The following SOX6 variants were observed in gnomAD, a reference collection of about 807,000 sequenced individuals.
SOX6 encodes SRY-box transcription factor 6.
SOX6 carries 11 observed loss-of-function variants against 97.8 expected under a neutral mutation model. The ratio of observed to expected loss-of-function variants is 0.11; its 90% confidence interval spans 0.07 to 0.19. SOX6 has a LOEUF of 0.19. Among genes scored for constraint, SOX6 ranks in the 10% least tolerant of loss-of-function variants. The pLI, the probability that SOX6 is intolerant of heterozygous loss-of-function variation, is 1.00. For missense variants in SOX6, 810 were observed against 1,039.5 expected (o/e 0.78, Z 3.04); for synonymous variants, 360 against 371.4 (o/e 0.97, Z 0.35).
chr11:16,737,603 A>G (rs1848402605), intron 1 of SOX6, among the ~76,000 whole-genome samples: 1 of 152,212 alleles, frequency 6.6e-6, no homozygotes, highest in East Asian at 1.9e-4. Context: ...AGTTAAGTTC[A>G]GACCTGGTTA....
intron 1 of SOX6, among the ~76,000 whole-genome samples, chr11:16,367,443 G>C (rs977439907): frequency 6.6e-6 from 1 of 152,120 alleles, no homozygotes. Flanking sequence ...GGTGGCCCAA[G>C]TCATTCACAA....
intron 3 of SOX6, among the ~76,000 whole-genome samples, chr11:16,306,245 C>T (rs1855429367): frequency 6.6e-6 from 1 of 152,142 alleles, no homozygotes; most frequent in African/African-American, 2.4e-5. Context: ...CATAGAATCT[C>T]TCTGTATTAT....
At chr11:16,727,290 C>CTTTTTTT (rs557437543) in intron 2 of SOX6, among the ~76,000 whole-genome samples, 6 of 92,980 alleles carry the variant, frequency 6.5e-5, no homozygotes, top group African/African-American at 8.4e-5. Context: ...ATTCACCTTG[C>CTTTTTTT]TTTTTTTTTT....
Position 16,431,463 on chromosome 11 carries a change from GA to G in SOX6, c.-5+44851del, listed in dbSNP as rs1163103039. ...ATTTATACAGCTGAACAAAATTTTTGAAGTTCTGGTCATCTCATAATAGCTA... is the reference window on the plus strand; with the variant it reads ...ATTTATACAGCTGAACAAAATTTTTGAGTTCTGGTCATCTCATAATAGCTA... On this transcript the variant is annotated intron_variant, in intron 1 of 15. Transcript: ENST00000396356. 5.9e-5 allele frequency among the ~76,000 whole-genome samples: 9 copies of G among 152,158 alleles called. No homozygotes were observed. The East Asian group carries it at 1.7e-3, about 29-fold the overall frequency.
intron 13 of SOX6, among the ~76,000 whole-genome samples, chr11:15,989,952 T>G (rs1296238162): frequency 6.6e-6 from 1 of 152,084 alleles, no homozygotes; most frequent in Non-Finnish European, 1.5e-5. Context: ...GGTCAGCTAG[T>G]GCTTCCTAGG....
intron 3 of SOX6, among the ~76,000 whole-genome samples, chr11:16,276,637 G>T (rs996043321): frequency 2.0e-5 from 3 of 152,166 alleles, no homozygotes; most frequent in Admixed American, 6.5e-5. Flanking sequence ...ATCTTATAAT[G>T]ATAAAGGGAA....
chr11:16,087,007 C>A (rs1848592546), intron 9 of SOX6, among the ~76,000 whole-genome samples: 1 of 152,060 alleles, frequency 6.6e-6, no homozygotes, highest in South Asian at 2.1e-4. Context: ...GAGCTTAATG[C>A]CAAGAATCCT....
chr11:16,156,874 A>T (rs972712068), intron 6 of SOX6, among the ~76,000 whole-genome samples: 1 of 151,940 alleles, frequency 6.6e-6, no homozygotes, highest in African/African-American at 2.4e-5. Context: ...CTATATTCTT[A>T]CTTATCCTTA....
intron 3 of SOX6, among the ~76,000 whole-genome samples, chr11:16,296,607 G>A (rs1180915489): frequency 1.3e-5 from 2 of 152,046 alleles, no homozygotes; most frequent in Non-Finnish European, 2.9e-5. Context: ...GGTATGTTTT[G>A]GTGAAAATGT....
In SOX6 at chr11:16,484,689, G is replaced by C. The variant is rs1860400383; in HGVS notation, n.610-8301C>G. ...CTGGCCATGGCTGCTGCGCTCCCCA[G>C]ACTCCCACCCAGAACCGTGCCTAGT... On this transcript the variant is annotated intron_variant and non_coding_transcript_variant, in intron 4 of 5. Coordinates refer to the SOX6 transcript ENST00000524520. 3 of 607,768 alleles carry C rather than the reference G, an allele frequency of 4.9e-6. No individual in the cohort carries two copies. In the Admixed American group the frequency reaches 7.6e-5, roughly 15 times the overall value. The allele number at this position is 607,768 out of a possible 1,614,324, so 37.6% of individuals were successfully genotyped here.
Position 15,968,046 on chromosome 11 carries a change from A to AG in SOX6, c.*4762dup, listed in dbSNP as rs1427101383. 1.3e-5 allele frequency: 2 copies of AG among 152,224 alleles called. No homozygotes were observed. Among genetic ancestry groups the AG allele is most frequent in the African/African-American group, 4.8e-5 (2 of 41,458 alleles). 9.4% of individuals were successfully genotyped at this position (152,224 alleles called of 1,614,324 possible). A position where few individuals can be genotyped will look rare whatever the true frequency, so the allele number is the denominator to read the frequency against. ...TCAATATTTTCAATGATATTAGTAC[A>AG]GGGGCACGCTCAATAGGATATGGCA... On this transcript the variant is annotated 3_prime_UTR_variant, in exon 16 of 16. Transcript: ENST00000683767.
At chr11:15,978,186 A>C (rs1355350651) in intron 15 of SOX6, among the ~76,000 whole-genome samples, 1 of 152,110 alleles carries the variant, frequency 6.6e-6, no homozygotes, top group Non-Finnish European at 1.5e-5. Flanking sequence ...CTCTCTCGGC[A>C]CATCTCCCCC....
intron 4 of SOX6, among the ~76,000 whole-genome samples, chr11:16,599,715 A>G (rs910626174): frequency 6.6e-6 from 1 of 152,226 alleles, no homozygotes; most frequent in Non-Finnish European, 1.5e-5. Flanking sequence ...TTAGCATTAT[A>G]AAGTAGAAAT....
chr11:16,710,568 T>C (rs143209741), intron 3 of SOX6, among the ~76,000 whole-genome samples: 56 of 151,794 alleles, frequency 3.7e-4, no homozygotes, highest in African/African-American at 1.2e-3. Context: ...TATCTCCTGG[T>C]TTATTTCATC....
At chr11:16,697,871 G>A (rs1013664788) in intron 3 of SOX6, among the ~76,000 whole-genome samples, 3 of 152,126 alleles carry the variant, frequency 2.0e-5, no homozygotes, top group East Asian at 1.9e-4. Context: ...TTTCTGAGCC[G>A]TAGTTCTCAA....
intron 1 of SOX6, among the ~76,000 whole-genome samples, chr11:16,468,738 C>T (rs1261763022): frequency 6.6e-6 from 1 of 152,016 alleles, no homozygotes; most frequent in Non-Finnish European, 1.5e-5. Context: ...AAAAGTAAAC[C>T]AAGATCAAAT....
intron 1 of SOX6, among the ~76,000 whole-genome samples, chr11:16,394,597 C>A (rs949132341): frequency 6.6e-6 from 1 of 151,854 alleles, no homozygotes; most frequent in African/African-American, 2.4e-5. Context: ...ATAACCTTTT[C>A]TATATCCTCC....
At chr11:16,636,355 G>A (rs1412510887) in intron 3 of SOX6, among the ~76,000 whole-genome samples, 5 of 152,190 alleles carry the variant, frequency 3.3e-5, no homozygotes, top group Non-Finnish European at 5.9e-5. Flanking sequence ...CATGGTGCCT[G>A]TAGCCTCTTC....
At chr11:15,982,900 G>A (rs10832538) in intron 15 of SOX6, among the ~76,000 whole-genome samples, 2 of 151,628 alleles carry the variant, frequency 1.3e-5, no homozygotes, top group Non-Finnish European at 2.9e-5. Context: ...AAGTATATTC[G>A]GTCACAGTTC....
Sources: allele counts gnomAD v4.1 joint callset (sites outside exome capture counted in the v4.1 genomes callset), GRCh38; gene constraint gnomAD v4.1.1; transcripts MANE v1.5; gene names NCBI Gene and HGNC (gene_info 2026-07-23, HGNC 2026-07-21).